The following IQUB variants were observed in gnomAD, a reference collection of about 807,000 sequenced individuals.
IQUB encodes the protein IQ motif and ubiquitin-like domain-containing protein.
In IQUB, 86 loss-of-function variants were observed where a neutral mutation model predicts 86.4. That is an observed-to-expected ratio of 1.00 (90% CI 0.84 to 1.19). IQUB has a LOEUF of 1.19. IQUB is among the 50% of genes most tolerant of loss of function. The pLI is 0.00. For synonymous variants in IQUB, 289 were observed against 304.5 expected, an observed-to-expected ratio of 0.95 and a Z score of 0.53; for missense variants, 946 against 916.9, an observed-to-expected ratio of 1.03 and a Z score of -0.41.
chr7:123,507,912 T>C (rs888509941), intron 3 of IQUB, among the ~76,000 whole-genome samples: 8 of 152,020 alleles, frequency 5.3e-5, no homozygotes, highest in Non-Finnish European at 1.2e-4. Flanking sequence ...ATGGACTTTA[T>C]GATAGGTTGG....
chr7:123,465,085 A>T, intron 9 of IQUB, 76 bp from the exon 10 acceptor site: 1 of 905,716 alleles, frequency 1.1e-6, no homozygotes, highest in Non-Finnish European at 1.7e-6. Flanking sequence ...CACCAAAACA[A>T]ACCAAAATCT....
rs10480767 is a variant in IQUB at position 123,472,202 on chromosome 7, C to T, written c.1411-2818G>A. On this transcript the variant is annotated intron_variant, in intron 8 of 12. Coordinates refer to ENST00000324698, the MANE Select transcript of IQUB (RefSeq NM_178827.5). ...GCAGTGCACCAAGTCTGCACCACTG[C>T]ACTCCAGCCTGGGCAACAGTGCAAG... 9.1e-3 allele frequency among the ~76,000 whole-genome samples: 1,367 copies of T among 150,106 alleles called. 14 individuals are homozygous for T. Among genetic ancestry groups the T allele is most frequent in the South Asian group, 0.048 (228 of 4,772 alleles).
intron 1 of IQUB, among the ~76,000 whole-genome samples, chr7:123,517,248 T>C (rs1039217150): frequency 1.3e-5 from 2 of 151,882 alleles, no homozygotes; most frequent in East Asian, 3.9e-4. Context: ...AGACCCTATA[T>C]CGGCAGGGCG....
intron 7 of IQUB, among the ~76,000 whole-genome samples, chr7:123,482,925 A>G (rs927500483): frequency 6.6e-6 from 1 of 152,096 alleles, no homozygotes; most frequent in Non-Finnish European, 1.5e-5. Context: ...ATGAAAGCAA[A>G]ACAGGTTGAA....
At chr7:123,463,272 C>T (rs1165823612) in intron 10 of IQUB, among the ~76,000 whole-genome samples, 1 of 151,630 alleles carries the variant, frequency 6.6e-6, no homozygotes, top group Non-Finnish European at 1.5e-5. Context: ...CCATGTGATT[C>T]AATATGCCAC....
chr7:123,523,454 T>C (rs1797012212), intron 1 of IQUB, among the ~76,000 whole-genome samples: 1 of 152,094 alleles, frequency 6.6e-6, no homozygotes, highest in South Asian at 2.1e-4. Flanking sequence ...TGATGGCCAG[T>C]GATGTTGAGC....
intron 3 of IQUB, among the ~76,000 whole-genome samples, chr7:123,508,878 T>C (rs4727972): frequency 2.0e-5 from 3 of 152,342 alleles, no homozygotes; most frequent in Admixed American, 2.0e-4. Context: ...GATTAAATTA[T>C]AATGTAGGCA....
chr7:123,501,422 G>C (rs1795937685), intron 6 of IQUB: 1 of 152,148 alleles, frequency 6.6e-6, no homozygotes, highest in South Asian at 2.1e-4. Context: ...AACAAAAACA[G>C]TATTTCTCCC....
chr7:123,529,933 T>C (rs372107970), intron 1 of IQUB, among the ~76,000 whole-genome samples: 375 of 152,158 alleles, frequency 2.5e-3, no homozygotes, highest in Middle Eastern at 0.014. Context: ...CTCGGGAGGC[T>C]GAGGCAGGAG....
intron 3 of IQUB, among the ~76,000 whole-genome samples, chr7:123,506,610 T>G (rs1245153280): frequency 1.3e-5 from 2 of 151,982 alleles, no homozygotes; most frequent in Non-Finnish European, 2.9e-5. Context: ...GATCTCATGA[T>G]AACTCACTAT....
chr7:123,531,723 T>A (rs970301441), intron 1 of IQUB, among the ~76,000 whole-genome samples: 4 of 152,266 alleles, frequency 2.6e-5, no homozygotes, highest in African/African-American at 9.6e-5. Flanking sequence ...ATACATTTTA[T>A]AAATATATTT....
chr7:123,511,890 G>T, intron 2 of IQUB, 54 bp downstream of exon 2: 1 of 1,317,976 alleles, frequency 7.6e-7, no homozygotes, highest in Non-Finnish European at 1.0e-6. Context: ...ACAAGAAAAC[G>T]CATTCATTCT....
chr7:123,480,465 G>A (rs910588920), intron 7 of IQUB, among the ~76,000 whole-genome samples: 12 of 152,104 alleles, frequency 7.9e-5, no homozygotes, highest in African/African-American at 2.7e-4. Context: ...GTGCCCAACA[G>A]TGGACATTTT....
Position 123,512,163 on chromosome 7 carries a change from C to G in IQUB, c.178G>C (p.Val60Leu). ...EQFSESHAIH[V>L]EEQSDQSFSS... ...AAGCTTTGGTCACTCTGCTCCTCAA[C>G]ATGTATTGCATGGCTCTCACTGAAT... The change falls in exon 2 of 13, where the codon GTT becomes CTT. Residue 60 changes from valine to leucine, a missense_variant. Physicochemically the swap from Val to Leu is conservative, Grantham distance 32 (BLOSUM62 1). Transcript: ENST00000324698. The G allele has an allele frequency of 6.2e-7, 1 of 1,614,068 alleles. No homozygotes were observed.
rs1051615934 is a variant in IQUB at position 123,515,959 on chromosome 7, G to A, written c.-4-3615C>T. On this transcript the variant is annotated intron_variant, in intron 1 of 12. Transcript: ENST00000324698. ...ACAGAAGGATGTGGGGATTTTTTAC[G>A]TGATGGAAACACTCAAAATCTCAAT... Among the ~76,000 whole-genome samples the A allele has an allele frequency of 3.9e-5, 6 of 152,232 alleles. No homozygotes were observed. In the East Asian group the frequency reaches 5.8e-4, roughly 15 times the overall value.
intron 8 of IQUB, among the ~76,000 whole-genome samples, chr7:123,473,822 C>T (rs1470406017): frequency 5.3e-5 from 8 of 151,522 alleles, no homozygotes; most frequent in South Asian, 2.1e-4. Flanking sequence ...CCTGACCTCG[C>T]GATCCACCTG....
intron 1 of IQUB, among the ~76,000 whole-genome samples, chr7:123,531,404 C>G (rs1394409798): frequency 6.6e-6 from 1 of 152,116 alleles, no homozygotes; most frequent in African/African-American, 2.4e-5. Flanking sequence ...CCAAACACGA[C>G]ACATAAATCA....
At chr7:123,455,749 T>G (rs934438052) in intron 12 of IQUB, among the ~76,000 whole-genome samples, 15 of 152,060 alleles carry the variant, frequency 9.9e-5, no homozygotes, top group African/African-American at 3.6e-4. Flanking sequence ...TTCTAAAAAT[T>G]TATGAAGCAA....
chr7:123,525,161 T>C (rs1797132724), intron 1 of IQUB, among the ~76,000 whole-genome samples: 1 of 152,196 alleles, frequency 6.6e-6, no homozygotes, highest in Non-Finnish European at 1.5e-5. Context: ...TCTAAAATTC[T>C]CTTTTTTGGT....
Sources: allele counts gnomAD v4.1 joint callset (sites outside exome capture counted in the v4.1 genomes callset), GRCh38; gene constraint gnomAD v4.1.1; transcripts MANE v1.5; gene names NCBI Gene and HGNC (gene_info 2026-07-23, HGNC 2026-07-21).